SPATA6: variants seen among roughly 807,000 people sequenced by gnomAD.
The protein encoded by SPATA6 is spermatogenesis associated 6.
A neutral mutation model predicts 65.3 loss-of-function variants in SPATA6; 56 were observed. That is an observed-to-expected ratio of 0.86 (90% CI 0.69 to 1.07). The LOEUF (loss-of-function observed/expected upper bound fraction) is 1.07, where lower values mean the gene tolerates loss of function less well. Ranked by LOEUF, SPATA6 falls within the 50% of genes least tolerant of loss-of-function variation. The pLI, the probability that SPATA6 is intolerant of heterozygous loss-of-function variation, is 0.00. For missense variants in SPATA6, 590 were observed against 594.8 expected (o/e 0.99, Z 0.08); for synonymous variants, 199 against 213.2 (o/e 0.93, Z 0.58).
chr1:48,364,796 AG>A (rs1421908756), intron 9 of SPATA6, among the ~76,000 whole-genome samples: 1 of 152,134 alleles, frequency 6.6e-6, no homozygotes, highest in African/African-American at 2.4e-5. Flanking sequence ...GAAGCTCTTT[AG>A]TTTAATTAGA....
chr1:48,468,978 GAC>G (rs1658014118), intron 1 of SPATA6, among the ~76,000 whole-genome samples: 1 of 152,070 alleles, frequency 6.6e-6, no homozygotes, highest in East Asian at 1.9e-4. Flanking sequence ...TTATTTAAGA[GAC>G]AGGGTCTCAC....
intron 9 of SPATA6, among the ~76,000 whole-genome samples, chr1:48,381,057 G>T (rs1648514221): frequency 6.6e-6 from 1 of 152,148 alleles, no homozygotes; most frequent in Admixed American, 6.5e-5. Flanking sequence ...CATATGCACA[G>T]CACAGTAGGG....
chr1:48,364,775 T>C (rs897536615), intron 9 of SPATA6, among the ~76,000 whole-genome samples: 4 of 152,222 alleles, frequency 2.6e-5, no homozygotes, highest in Non-Finnish European at 5.9e-5. Flanking sequence ...GGTAGTTTCT[T>C]TTGCTGTGCA....
intron 7 of SPATA6, among the ~76,000 whole-genome samples, chr1:48,397,326 T>G (rs1650692912): frequency 6.6e-6 from 1 of 151,734 alleles, no homozygotes; most frequent in Non-Finnish European, 1.5e-5. Context: ...ATTGTACACT[T>G]TAAATTCGAA....
At chr1:48,354,560 T>C (rs553001413) in intron 11 of SPATA6, among the ~76,000 whole-genome samples, 1 of 152,206 alleles carries the variant, frequency 6.6e-6, no homozygotes, top group South Asian at 2.1e-4. Context: ...ATTTTATTCA[T>C]GGCAACAATA....
Position 48,374,899 on chromosome 1 carries a change from G to A in SPATA6, c.909+10410C>T, listed in dbSNP as rs141205263. Among the ~76,000 whole-genome samples, 68 of 152,244 alleles carry A rather than the reference G, an allele frequency of 4.5e-4. 1 individual carries two copies. In the East Asian group the frequency reaches 0.013, roughly 29 times the overall value. ...ATCAGCCATTAACCTGCCTCTTTCA[G>A]AGACAACACTAAGACTGTCAAGGTA... On this transcript the variant is annotated intron_variant, in intron 9 of 12. Coordinates refer to ENST00000371847, the MANE Select transcript of SPATA6 (RefSeq NM_019073.4).
intron 11 of SPATA6, among the ~76,000 whole-genome samples, chr1:48,352,903 C>CAAA (rs35929341): frequency 8.5e-4 from 113 of 133,330 alleles, no homozygotes; most frequent in African/African-American, 3.0e-3. Context: ...CTTTTAAATA[C>CAAA]AAAAAAAAAA....
At chr1:48,471,881 T>G in intron 1 of SPATA6, 77 bp downstream of exon 1, 1 of 1,522,832 alleles carries the variant, frequency 6.6e-7, no homozygotes, top group East Asian at 2.3e-5. Context: ...GGTTTGGGGG[T>G]GGTTCCGGGC....
intron 9 of SPATA6, among the ~76,000 whole-genome samples, chr1:48,368,723 C>G (rs1445961768): frequency 6.6e-6 from 1 of 152,148 alleles, no homozygotes; most frequent in Non-Finnish European, 1.5e-5. Context: ...TTGTTAACTT[C>G]TTTGCCATTG....
intron 6 of SPATA6, chr1:48,400,642 A>C: frequency 2.5e-6 from 1 of 404,452 alleles, no homozygotes; most frequent in South Asian, 2.9e-5. Flanking sequence ...AACTAAGTGA[A>C]TAAAATACAA....
At chr1:48,434,481 C>A (rs1428164285) in intron 3 of SPATA6, among the ~76,000 whole-genome samples, 2 of 152,048 alleles carry the variant, frequency 1.3e-5, no homozygotes, top group Non-Finnish European at 2.9e-5. Context: ...GTACAAGATA[C>A]AGATCTAAAG....
At chr1:48,320,108 C>T (rs1363662646) in intron 11 of SPATA6, among the ~76,000 whole-genome samples, 1 of 152,094 alleles carries the variant, frequency 6.6e-6, no homozygotes, top group Non-Finnish European at 1.5e-5. Flanking sequence ...ACAGTCACCA[C>T]CATTGCTCAA....
the SPATA6 span, among the ~76,000 whole-genome samples, chr1:48,289,628 G>T: frequency 6.6e-6 from 1 of 152,198 alleles, no homozygotes; most frequent in Non-Finnish European, 1.5e-5. Context: ...TGGCTAACTA[G>T]AATAAACAGT....
chr1:48,298,946 T>C (rs1644865058), intron 12 of SPATA6, 53 bp from the exon 13 acceptor site: 16 of 1,526,724 alleles, frequency 1.0e-5, no homozygotes, highest in South Asian at 2.5e-5. Flanking sequence ...AAATTAGAGA[T>C]AGTACTATGT....
At chr1:48,447,234 C>T (rs779744665) in intron 3 of SPATA6, among the ~76,000 whole-genome samples, 56 of 152,128 alleles carry the variant, frequency 3.7e-4, no homozygotes, top group Non-Finnish European at 6.8e-4. Context: ...AAAAGTTATA[C>T]GTGGCCAGGC....
intron 12 of SPATA6, 56 bp downstream of exon 12, chr1:48,305,731 A>C: frequency 1.5e-6 from 2 of 1,331,146 alleles, no homozygotes; most frequent in Non-Finnish European, 2.1e-6. Flanking sequence ...AGCATATTAT[A>C]AAACAGTTAT....
chr1:48,341,170 C>T (rs1377040367), intron 11 of SPATA6, among the ~76,000 whole-genome samples: 2 of 152,160 alleles, frequency 1.3e-5, no homozygotes, highest in African/African-American at 4.8e-5. Flanking sequence ...GCATTATCTT[C>T]TGCAGATGAA....
chr1:48,294,220 G>A (rs1310550452), downstream of SPATA6, among the ~76,000 whole-genome samples: 1 of 152,072 alleles, frequency 6.6e-6, no homozygotes, highest in African/African-American at 2.4e-5. Context: ...GGGACTACAG[G>A]TGCATGCCAC....
chr1:48,401,350 T>A (rs555452994), intron 6 of SPATA6, among the ~76,000 whole-genome samples: 6 of 152,158 alleles, frequency 3.9e-5, no homozygotes, highest in Admixed American at 1.3e-4. Flanking sequence ...CTTTTAATAC[T>A]GCATACTACT....
Sources: allele counts gnomAD v4.1 joint callset (sites outside exome capture counted in the v4.1 genomes callset), GRCh38; gene constraint gnomAD v4.1.1; transcripts MANE v1.5; gene names NCBI Gene and HGNC (gene_info 2026-07-23, HGNC 2026-07-21).